HORMAD2: variants seen among roughly 807,000 people sequenced by gnomAD.
The protein encoded by HORMAD2 is HORMA domain-containing protein 2.
Under a neutral mutation model 38.8 loss-of-function variants are expected in HORMAD2, and 45 were observed. The ratio of observed to expected loss-of-function variants is 1.16; its 90% CI spans 0.91 to 1.49. HORMAD2 has a LOEUF of 1.49. Among genes scored for constraint, HORMAD2 ranks in the 40% most tolerant of loss-of-function variants. The pLI is 0.00. For missense variants in HORMAD2, 338 were observed against 367.0 expected, an observed-to-expected ratio of 0.92 and a Z score of 0.65; for synonymous variants, 126 against 122.8, an observed-to-expected ratio of 1.03 and a Z score of -0.17.
chr22:30,146,786 T>A (rs1254707011), intron 10 of HORMAD2, among the ~76,000 whole-genome samples: 1 of 152,134 alleles, frequency 6.6e-6, no homozygotes, highest in Non-Finnish European at 1.5e-5. Context: ...GACTGTATAA[T>A]AGAAAATCCT....
chr22:30,179,863 T>C (rs1926627816), downstream of HORMAD2, among the ~76,000 whole-genome samples: 1 of 152,108 alleles, frequency 6.6e-6, no homozygotes, highest in African/African-American at 2.4e-5. Flanking sequence ...GATCCTTTAG[T>C]AGTAAAGTAG....
chr22:30,084,397 C>T (rs554326031), intron 1 of HORMAD2, among the ~76,000 whole-genome samples: 3 of 152,236 alleles, frequency 2.0e-5, no homozygotes, highest in South Asian at 4.1e-4. Context: ...AATATTAATC[C>T]ATTCATGAAG....
At chr22:30,148,313 A>C (rs562713850) in intron 10 of HORMAD2, among the ~76,000 whole-genome samples, 1 of 152,342 alleles carries the variant, frequency 6.6e-6, no homozygotes, top group South Asian at 2.1e-4. Context: ...CATTTACATG[A>C]AAATCTGGAG....
intron 10 of HORMAD2, among the ~76,000 whole-genome samples, chr22:30,124,673 A>G (rs1162138563): frequency 6.6e-6 from 1 of 151,986 alleles, no homozygotes; most frequent in African/African-American, 2.4e-5. Flanking sequence ...CCATTGTGTT[A>G]TTGTTCTTTC....
At chr22:30,130,057 T>C (rs1923167899) in intron 10 of HORMAD2, among the ~76,000 whole-genome samples, 1 of 152,152 alleles carries the variant, frequency 6.6e-6, no homozygotes, top group Non-Finnish European at 1.5e-5. Context: ...ATTTAAATTT[T>C]ATTTAAAATT....
At chr22:30,130,014 A>C (rs1200152646) in intron 10 of HORMAD2, among the ~76,000 whole-genome samples, 3 of 152,096 alleles carry the variant, frequency 2.0e-5, no homozygotes, top group Non-Finnish European at 4.4e-5. Context: ...TCTCTAACTC[A>C]AAGATTTTTT....
At position 30,162,972 on chromosome 22, in the gene HORMAD2, G is replaced by A. The variant is rs200852256; in HGVS notation, c.820-13091G>A. Among the ~76,000 whole-genome samples, 4 of 152,184 alleles carry A rather than the reference G, an allele frequency of 2.6e-5. No individual in the cohort carries two copies. The East Asian group carries it at 7.7e-4, about 29-fold the overall frequency. ...CCGCCTCAGCCTCCCAAAGTGTTGG[G>A]ATTACAGGCGTGAGCCACCACGCCT... On this transcript the variant is annotated intron_variant, in intron 10 of 10. Transcript: ENST00000336726.
At chr22:30,203,334 G>T in the HORMAD2 span, among the ~76,000 whole-genome samples, 1 of 148,484 alleles carries the variant, frequency 6.7e-6, no homozygotes, top group Non-Finnish European at 1.5e-5. Context: ...GGCAGAGGTT[G>T]CAGTGAGCCA....
the HORMAD2 span, among the ~76,000 whole-genome samples, chr22:30,182,376 C>T: frequency 0.017 from 2,519 of 152,260 alleles, 66 homozygotes; most frequent in African/African-American, 0.058. Context: ...CAGCTTTTTA[C>T]GTCTTTTCAG....
chr22:30,201,663 G>A, the HORMAD2 span, among the ~76,000 whole-genome samples: 40 of 151,808 alleles, frequency 2.6e-4, no homozygotes, highest in Non-Finnish European at 4.0e-4. Flanking sequence ...TGATCCGCCC[G>A]CCTCGGCCTC....
intron 10 of HORMAD2, among the ~76,000 whole-genome samples, chr22:30,123,460 CT>C (rs1922601850): frequency 6.6e-6 from 1 of 152,018 alleles, no homozygotes; most frequent in Admixed American, 6.6e-5. Context: ...TCTCGAGTAG[CT>C]GGGACTATAG....
At chr22:30,081,379 A>G (rs1358682291) in intron 1 of HORMAD2, 1 of 152,202 alleles carries the variant, frequency 6.6e-6, no homozygotes, top group South Asian at 2.1e-4. Context: ...TAAAAAGTCA[A>G]AAGAGCATGA....
intron 3 of HORMAD2, 142 bp from the exon 4 acceptor site, chr22:30,103,295 G>A: frequency 1.7e-6 from 1 of 594,150 alleles, no homozygotes; most frequent in South Asian, 2.0e-5. Context: ...GATGTTTAGA[G>A]ATCCAAAATG....
rs1160088041 is a variant in HORMAD2, at chr22:30,122,214, T to C, written c.819T>C (p.His273=). Residue 273 remains histidine, a splice_region_variant and synonymous_variant, in exon 10 of 11, where the codon CAT becomes CAC. Transcript: ENST00000336726. ...ATGAGGAAGAAGAATGCAATGACCA[T>C]GTAAGGCAAAGCTTTAGAGATTTTC... The part of the protein sequence containing the change: ...DCDEEEECND[H]IQRMNFVCSQ... 3 of 1,606,526 alleles carry C rather than the reference T, an allele frequency of 1.9e-6. No homozygotes were observed. Among genetic ancestry groups the C allele is most frequent in the Non-Finnish European group, 1.7e-6 (2 of 1,176,158 alleles).
intron 7 of HORMAD2, among the ~76,000 whole-genome samples, chr22:30,114,741 A>G (rs542297775): frequency 6.6e-6 from 1 of 152,364 alleles, no homozygotes; most frequent in South Asian, 2.1e-4. Flanking sequence ...CCTCTGGCTT[A>G]AATCAAACAA....
At chr22:30,200,230 T>TA in the HORMAD2 span, among the ~76,000 whole-genome samples, 23 of 147,152 alleles carry the variant, frequency 1.6e-4, no homozygotes, top group South Asian at 2.1e-4. Flanking sequence ...AATTTTCTTT[T>TA]AAAAAAAAAA....
intron 7 of HORMAD2, among the ~76,000 whole-genome samples, chr22:30,116,352 T>A (rs537135910): frequency 6.6e-6 from 1 of 152,232 alleles, no homozygotes; most frequent in African/African-American, 2.4e-5. Flanking sequence ...AGAAAATGAG[T>A]GACATGGTCT....
intron 10 of HORMAD2, among the ~76,000 whole-genome samples, chr22:30,145,353 T>A (rs1924347345): frequency 6.6e-6 from 1 of 152,200 alleles, no homozygotes; most frequent in African/African-American, 2.4e-5. Flanking sequence ...TATACATTTG[T>A]CAAAATTCAC....
chr22:30,168,201 G>A (rs1925898769), intron 10 of HORMAD2, among the ~76,000 whole-genome samples: 1 of 152,050 alleles, frequency 6.6e-6, no homozygotes, highest in Non-Finnish European at 1.5e-5. Flanking sequence ...TGCCACCCAA[G>A]ACCAATTTAC....
Sources: gnomAD v4.1 joint callset for allele counts (sites outside exome capture counted in the v4.1 genomes callset) on GRCh38, gnomAD v4.1.1 for gene constraint, MANE v1.5 for transcripts, NCBI Gene and HGNC (gene_info 2026-07-23, HGNC 2026-07-21) for gene names.